The following RNF152 variants were observed in gnomAD, a reference collection of about 807,000 sequenced individuals.
The protein encoded by RNF152 is ring finger protein 152.
A neutral mutation model predicts 12.7 loss-of-function variants in RNF152; 11 were observed. The observed-to-expected ratio is 0.86, with a 90% CI of 0.54 to 1.43. The LOEUF is 1.43. Ranked by LOEUF, RNF152 falls within the 40% of genes most tolerant of loss-of-function variation. The pLI is 0.00. For synonymous variants in RNF152, 113 were observed against 120.3 expected (o/e 0.94, Z 0.40); for missense variants, 255 against 274.8 (o/e 0.93, Z 0.51).
intron 1 of RNF152, among the ~76,000 whole-genome samples, chr18:61,831,393 A>C (rs1238599863): frequency 2.0e-5 from 3 of 152,180 alleles, no homozygotes; most frequent in African/African-American, 7.2e-5. Context: ...GACACATTTT[A>C]CAAACTAATG....
At chr18:61,885,319 T>TTTGTTTGC (rs1368651907) in intron 1 of RNF152, among the ~76,000 whole-genome samples, 1 of 152,082 alleles carries the variant, frequency 6.6e-6, no homozygotes, top group African/African-American at 2.4e-5. Flanking sequence ...GTTTTGTTTG[T>TTTGTTTGC]TTGTTTGAGA....
chr18:61,885,331 A>G (rs1004309936), intron 1 of RNF152, among the ~76,000 whole-genome samples: 33 of 108,962 alleles, frequency 3.0e-4, no homozygotes, highest in African/African-American at 1.2e-3. Flanking sequence ...TGTTTGAGAC[A>G]GAGCCTCGGT....
intron 1 of RNF152, among the ~76,000 whole-genome samples, chr18:61,839,671 G>A (rs10871795): frequency 0.22 from 32,850 of 151,918 alleles, 4,375 homozygotes; most frequent in Non-Finnish European, 0.3. Flanking sequence ...TGAGGCGGGC[G>A]GATCACAAGG....
intron 1 of RNF152, among the ~76,000 whole-genome samples, chr18:61,861,093 T>C (rs372753297): frequency 2.5e-4 from 38 of 152,288 alleles, no homozygotes; most frequent in African/African-American, 8.9e-4. Context: ...TAAGCTAAGA[T>C]TATTATTGAA....
At chr18:61,870,219 G>A (rs1026744780) in intron 1 of RNF152, among the ~76,000 whole-genome samples, 5 of 152,162 alleles carry the variant, frequency 3.3e-5, no homozygotes, top group African/African-American at 1.2e-4. Context: ...AAGCACAGCA[G>A]GGAGCTTTTG....
At chr18:61,840,203 G>A (rs1910389956) in intron 1 of RNF152, among the ~76,000 whole-genome samples, 1 of 152,216 alleles carries the variant, frequency 6.6e-6, no homozygotes, top group South Asian at 2.1e-4. Context: ...ACCAGACACT[G>A]AATCTGCCAG....
chr18:61,835,542 C>T (rs1377098431), intron 1 of RNF152, among the ~76,000 whole-genome samples: 1 of 152,064 alleles, frequency 6.6e-6, no homozygotes, highest in African/African-American at 2.4e-5. Flanking sequence ...GGGAGACCTC[C>T]TCAATATGAC....
In RNF152 at chr18:61,818,622, T is replaced by C. The variant is rs543624052; in HGVS notation, c.-135-2024A>G. On this transcript the variant is annotated intron_variant, in intron 1 of 1. Coordinates refer to ENST00000312828, the MANE Select transcript of RNF152 (RefSeq NM_173557.3). ...GAAGTTCATATCAGGATCAACTACA[T>C]AGCTATCCACTAATTCAAAAAATAT... 3.3e-4 allele frequency among the ~76,000 whole-genome samples: 51 copies of C among 152,330 alleles called. No individual in the cohort carries two copies. In the South Asian group the frequency reaches 9.3e-3, roughly 28 times the overall value.
intron 1 of RNF152, among the ~76,000 whole-genome samples, chr18:61,871,585 A>G (rs553239662): frequency 1.3e-5 from 2 of 152,300 alleles, no homozygotes; most frequent in East Asian, 3.9e-4. Flanking sequence ...TGTTTTCACC[A>G]TATCATTAAG....
At chr18:61,825,733 C>T (rs773946567) in intron 1 of RNF152, among the ~76,000 whole-genome samples, 2 of 152,142 alleles carry the variant, frequency 1.3e-5, no homozygotes, top group Non-Finnish European at 2.9e-5. Context: ...GCAAAGGTCT[C>T]TCTCTGCTAT....
At chr18:61,844,654 T>G (rs73002587) in intron 1 of RNF152, among the ~76,000 whole-genome samples, 151 of 152,316 alleles carry the variant, frequency 9.9e-4, no homozygotes, top group Non-Finnish European at 1.9e-3. Context: ...GCCAACAAAT[T>G]ATTCATCTTG....
At chr18:61,853,295 C>CTTT in intron 1 of RNF152, among the ~76,000 whole-genome samples, 1 of 130,196 alleles carries the variant, frequency 7.7e-6, no homozygotes, top group African/African-American at 2.6e-5. Flanking sequence ...GGTTCCTTGC[C>CTTT]CTTTTTTTTT....
intron 1 of RNF152, among the ~76,000 whole-genome samples, chr18:61,842,590 T>C (rs1200742649): frequency 2.0e-5 from 3 of 152,252 alleles, no homozygotes; most frequent in African/African-American, 7.2e-5. Context: ...AGCACCTTCA[T>C]GAGTGAGTTT....
chr18:61,813,533 G>A lies in RNF152; in HGVS notation c.*2319C>T, dbSNP rs982327229. On this transcript the variant is annotated 3_prime_UTR_variant, in exon 2 of 2. Transcript: ENST00000312828. ...AGCATGGGATTGTTTTTAAGTAAAA[G>A]TTCTATGGACATTTTTACTCTACAG... 1.3e-5 allele frequency: 2 copies of A among 152,120 alleles called. No homozygotes were observed. Among genetic ancestry groups the A allele is most frequent in the Admixed American group, 1.3e-4 (2 of 15,272 alleles). 9.4% of individuals were successfully genotyped at this position (152,120 alleles called of 1,614,324 possible). A position where few individuals can be genotyped will look rare whatever the true frequency, so the allele number is the denominator to read the frequency against.
chr18:61,863,278 C>CA (rs1256264275), intron 1 of RNF152, among the ~76,000 whole-genome samples: 11 of 151,654 alleles, frequency 7.3e-5, no homozygotes, highest in African/African-American at 2.4e-4. Context: ...ACTAAAAATA[C>CA]AAAAAAATTA....
At chr18:61,861,499 A>G (rs953243484) in intron 1 of RNF152, among the ~76,000 whole-genome samples, 2 of 152,262 alleles carry the variant, frequency 1.3e-5, no homozygotes, top group African/African-American at 4.8e-5. Flanking sequence ...TGTTCACATA[A>G]CAAAATCACC....
chr18:61,860,284 T>C lies in RNF152; in HGVS notation c.-136+32511A>G, dbSNP rs149622141. 9.9e-5 allele frequency among the ~76,000 whole-genome samples: 15 copies of C among 152,240 alleles called. No individual in the cohort carries two copies. The East Asian group carries it at 2.7e-3, about 27-fold the overall frequency. ...GGTTAAGGCAGCCCTAGAAAACTCA[T>C]CTAAGGGGGAAGCAAGCAACTGAGG... On this transcript the variant is annotated intron_variant, in intron 1 of 1. Coordinates refer to ENST00000312828, the MANE Select transcript of RNF152 (RefSeq NM_173557.3).
chr18:61,883,328 CTTTATA>C (rs751848984), intron 1 of RNF152, among the ~76,000 whole-genome samples: 3 of 152,174 alleles, frequency 2.0e-5, no homozygotes, highest in East Asian at 1.9e-4. Context: ...GTTTCATTAA[CTTTATA>C]TTTATATTGT....
In RNF152 at chr18:61,816,198, G is replaced by T; in HGVS notation, c.266C>A (p.Pro89Gln). The T allele has an allele frequency of 3.7e-6, 6 of 1,614,234 alleles. No individual in the cohort carries two copies. The highest frequency in any genetic ancestry group is 5.1e-6 in the Non-Finnish European group (6 of 1,180,036). The change falls in exon 2 of 2, where the codon CCG (proline) becomes CAG (glutamine). Residue 89 changes from proline to glutamine, a missense_variant. Physicochemically the swap from Pro to Gln is moderately conservative, Grantham distance 76. Coordinates refer to ENST00000312828, the MANE Select transcript of RNF152 (RefSeq NM_173557.3). ...ATTGCTGGGAAGTTTGATGAAGACC[G>T]GGGTGTGTTCGGAAGTGTGTGGAAT... ...IAIPHTSEHTPVFIKLPSNGC... is the reference protein window; with the variant it reads ...IAIPHTSEHTQVFIKLPSNGC...
Sources: gnomAD v4.1 joint callset for allele counts (sites outside exome capture counted in the v4.1 genomes callset) on GRCh38, gnomAD v4.1.1 for gene constraint, MANE v1.5 for transcripts, NCBI Gene and HGNC (gene_info 2026-07-23, HGNC 2026-07-21) for gene names.